STRIP2: variants seen among roughly 807,000 people sequenced by gnomAD.
The protein encoded by STRIP2 is striatin-interacting protein 2.
A neutral mutation model predicts 107.1 loss-of-function variants in STRIP2; 84 were observed. The observed-to-expected ratio is 0.78, with a 90% CI of 0.66 to 0.94. STRIP2 has a LOEUF of 0.94. STRIP2 is among the 40% of genes least tolerant of loss of function. The probability of loss-of-function intolerance (pLI) is 0.00; values close to 1 mark genes in which losing one functional copy is unlikely to be tolerated. For synonymous variants in STRIP2, 394 were observed against 400.4 expected (o/e 0.98, Z 0.19); for missense variants, 888 against 1,034.2 (o/e 0.86, Z 1.94).
intron 14 of STRIP2, among the ~76,000 whole-genome samples, chr7:129,463,728 C>G (rs1205563577): frequency 1.3e-5 from 2 of 152,190 alleles, no homozygotes; most frequent in African/African-American, 4.8e-5. Flanking sequence ...CTTCCAACCT[C>G]AAGTGATCTG....
intron 18 of STRIP2, among the ~76,000 whole-genome samples, chr7:129,479,925 ATTAAT>A (rs896963174): frequency 5.9e-5 from 9 of 152,168 alleles, no homozygotes; most frequent in Admixed American, 5.9e-4. Flanking sequence ...CTTGCTTCAA[ATTAAT>A]TTGAGGGAGG....
At chr7:129,437,526 TTG>T (rs754228265) in intron 1 of STRIP2, among the ~76,000 whole-genome samples, 2 of 151,148 alleles carry the variant, frequency 1.3e-5, no homozygotes, top group African/African-American at 2.4e-5. Flanking sequence ...TTGTTCCAGT[TTG>T]TGTGTGTGTG....
At chr7:129,467,279 C>T (rs1798692914) in intron 16 of STRIP2, 71 bp from the exon 17 acceptor site, 8 of 1,097,558 alleles carry the variant, frequency 7.3e-6, no homozygotes, top group Non-Finnish European at 5.5e-6. Context: ...TGTATTTCCT[C>T]TCTTTTTTTC....
chr7:129,445,149 T>A (rs1457312953), intron 3 of STRIP2, among the ~76,000 whole-genome samples: 2 of 152,144 alleles, frequency 1.3e-5, no homozygotes, highest in Non-Finnish European at 2.9e-5. Flanking sequence ...GGTGTTGTAG[T>A]TTCCCATCGA....
chr7:129,468,289 A>T (rs1467664250), intron 17 of STRIP2, among the ~76,000 whole-genome samples: 1 of 152,198 alleles, frequency 6.6e-6, no homozygotes, highest in Non-Finnish European at 1.5e-5. Context: ...CTAGTTTGTC[A>T]GTACTGCCTG....
rs1283603131 is a variant in STRIP2 at position 129,483,830 on chromosome 7, G to A, written c.2254+784G>A. Among the ~76,000 whole-genome samples the A allele has an allele frequency of 1.3e-5, 2 of 151,996 alleles. No homozygotes were observed. The highest frequency in any genetic ancestry group is 2.9e-5 in the Non-Finnish European group (2 of 68,008). ...CATGATAATGGCTCACTGCAGCCTC[G>A]ACTTCCTGGGCTCAAGTGATCCTCC... On this transcript the variant is annotated intron_variant, in intron 20 of 20. Coordinates refer to ENST00000249344, the MANE Select transcript of STRIP2 (RefSeq NM_020704.3). This position sits in a 1 kb window ranked among gnomAD's most constrained non-coding sequence, Gnocchi z 5.1.
intron 12 of STRIP2, 120 bp from the exon 13 acceptor site, chr7:129,460,181 A>G (rs755551419): frequency 2.1e-5 from 16 of 768,832 alleles, no homozygotes; most frequent in Admixed American, 8.5e-5. Flanking sequence ...GTTCATGTCT[A>G]TGTGGGGTAA....
chr7:129,460,701 G>A (rs1798508689), intron 13 of STRIP2, among the ~76,000 whole-genome samples: 1 of 152,206 alleles, frequency 6.6e-6, no homozygotes. Context: ...AGATCTGAGG[G>A]ACAGGGATCC....
intron 18 of STRIP2, among the ~76,000 whole-genome samples, chr7:129,474,351 A>G (rs1760013024): frequency 6.6e-6 from 1 of 152,138 alleles, no homozygotes; most frequent in Non-Finnish European, 1.5e-5. Flanking sequence ...AAATCTCCCT[A>G]GAGACAGAAT....
chr7:129,452,732 G>A (rs1562900288), intron 4 of STRIP2, among the ~76,000 whole-genome samples: 1 of 152,240 alleles, frequency 6.6e-6, no homozygotes, highest in Non-Finnish European at 1.5e-5. Context: ...CATCCAGGAA[G>A]TGTAGGGAAT....
At chr7:129,441,893 G>A (rs1488693313) in intron 2 of STRIP2, among the ~76,000 whole-genome samples, 4 of 152,308 alleles carry the variant, frequency 2.6e-5, no homozygotes, top group Admixed American at 1.3e-4. Flanking sequence ...TGGGACTACA[G>A]GTGTGAGCCA....
intron 7 of STRIP2, among the ~76,000 whole-genome samples, 179 bp downstream of exon 7, chr7:129,454,706 G>T (rs77452091): frequency 6.6e-6 from 1 of 152,102 alleles, no homozygotes; most frequent in Non-Finnish European, 1.5e-5. Context: ...CTTGATTGCC[G>T]CCCTGTATCT....
At chr7:129,484,691 A>G (rs182878638) in intron 20 of STRIP2, 72 of 152,348 alleles carry the variant, frequency 4.7e-4, no homozygotes, top group African/African-American at 1.6e-3. Flanking sequence ...AAGGAAACAT[A>G]TGATAGGCAC....
rs750706554 is a variant in STRIP2 at position 129,483,110 on chromosome 7, T to C, written c.2254+64T>C. ...TGGGGTTTAGACAAAACTAAATAAA[T>C]ATTTATCACTCCTCTTTTGGCATGA... On this transcript the variant is annotated intron_variant, in intron 20 of 20. Transcript: ENST00000249344. This position sits in a 1 kb window ranked among gnomAD's most constrained non-coding sequence, Gnocchi z 5.1. The C allele has an allele frequency of 1.3e-6, 2 of 1,557,136 alleles. No individual in the cohort carries two copies. Among genetic ancestry groups the C allele is most frequent in the Non-Finnish European group, 1.7e-6 (2 of 1,149,998 alleles).
At chr7:129,468,667 G>T (rs1408445824) in intron 17 of STRIP2, among the ~76,000 whole-genome samples, 2 of 152,202 alleles carry the variant, frequency 1.3e-5, no homozygotes, top group Non-Finnish European at 2.9e-5. Flanking sequence ...CAGGGAAAAT[G>T]AAAGTACAGG....
rs1021117744 is a variant in STRIP2 at position 129,483,133 on chromosome 7, T to G, written c.2254+87T>G. 1 of 1,508,648 alleles carries G rather than the reference T, an allele frequency of 6.6e-7. No homozygotes were observed. Among genetic ancestry groups the G allele is most frequent in the Non-Finnish European group, 8.9e-7 (1 of 1,126,904 alleles). The allele number at this position is 1,508,648 out of a possible 1,614,324, so 93.5% of individuals were successfully genotyped here. A position where few individuals can be genotyped will look rare whatever the true frequency, so the allele number is the denominator to read the frequency against. ...AATATTTATCACTCCTCTTTTGGCATGAATTGTTACATATTTTAGATGAAA... is the reference window on the plus strand; with the variant it reads ...AATATTTATCACTCCTCTTTTGGCAGGAATTGTTACATATTTTAGATGAAA... On this transcript the variant is annotated intron_variant, in intron 20 of 20. Coordinates refer to ENST00000249344, the MANE Select transcript of STRIP2 (RefSeq NM_020704.3). This position sits in a 1 kb window ranked among gnomAD's most constrained non-coding sequence, Gnocchi z 5.1.
intron 3 of STRIP2, among the ~76,000 whole-genome samples, chr7:129,445,913 A>G (rs1309838736): frequency 6.6e-6 from 1 of 152,158 alleles, no homozygotes; most frequent in South Asian, 2.1e-4. Flanking sequence ...GTAAGTGTCT[A>G]TTCTAGTGAG....
intron 7 of STRIP2, among the ~76,000 whole-genome samples, chr7:129,455,042 T>C (rs562060740): frequency 1.3e-5 from 2 of 152,372 alleles, no homozygotes; most frequent in South Asian, 4.1e-4. Context: ...CTGGGGCCTA[T>C]GCCATTTTAA....
In STRIP2 at chr7:129,454,329, G is replaced by T. The variant is rs895387889; in HGVS notation, c.600-92G>T. On this transcript the variant is annotated intron_variant, in intron 6 of 20. Transcript: ENST00000249344. ...AGTTGCCCTGTAGCTAATCTCACTGGGTTGGGCTTCCCACAGAGACCATCT... is the reference window on the plus strand; with the variant it reads ...AGTTGCCCTGTAGCTAATCTCACTGTGTTGGGCTTCCCACAGAGACCATCT... 2.3e-5 allele frequency: 34 copies of T among 1,461,626 alleles called. No homozygotes were observed. In the African/African-American group the frequency reaches 4.5e-4, roughly 19 times the overall value. The allele number at this position is 1,461,626 out of a possible 1,614,324, so 90.5% of individuals were successfully genotyped here.
Sources: allele counts gnomAD v4.1 joint callset (sites outside exome capture counted in the v4.1 genomes callset), GRCh38; gene constraint gnomAD v4.1.1; non-coding constraint Gnocchi (gnomAD v3.1); transcripts MANE v1.5; gene names NCBI Gene and HGNC (gene_info 2026-07-23, HGNC 2026-07-21).